Variants in LNPK observed in about 807,000 individuals in gnomAD.
The protein encoded by LNPK is lunapark, ER junction formation factor.
LNPK carries 29 observed loss-of-function variants against 55.2 expected under a neutral mutation model. That is an observed-to-expected ratio of 0.53 (90% CI 0.39 to 0.72). The LOEUF (loss-of-function observed/expected upper bound fraction) is 0.72, where lower values mean the gene tolerates loss of function less well. Ranked by LOEUF, LNPK falls within the 30% of genes least tolerant of loss-of-function variation. LNPK has a pLI of 0.00. For missense variants in LNPK, 467 were observed against 494.8 expected (o/e 0.94, Z 0.53); for synonymous variants, 162 against 168.2 (o/e 0.96, Z 0.29).
chr2:175,938,882 C>A (rs1295357589), intron 10 of LNPK: 1 of 152,038 alleles, frequency 6.6e-6, no homozygotes, highest in African/African-American at 2.4e-5. Context: ...TTATACCTTT[C>A]CCAGTTACAC....
chr2:175,940,703 T>C (rs769717043), intron 9 of LNPK, among the ~76,000 whole-genome samples: 5 of 152,126 alleles, frequency 3.3e-5, no homozygotes, highest in African/African-American at 4.8e-5. Context: ...CCAGAAATTA[T>C]GAAAATGACT....
intron 12 of LNPK, 73 bp from the exon 13 acceptor site, chr2:175,930,272 A>AT: frequency 1.2e-6 from 1 of 810,160 alleles, no homozygotes. Flanking sequence ...AGCAAAAAAG[A>AT]TAAACACACA....
Position 175,986,982 on chromosome 2 carries a change from AC to A in LNPK, c.257+5248del, listed in dbSNP as rs1215819757. On this transcript the variant is annotated intron_variant, in intron 4 of 12. Transcript: ENST00000272748. ...AAATATCAAACAAGAAAAAAAAAAA[AC>A]AAACGAAAAAAACAAAAGGAGGTGG... Among the ~76,000 whole-genome samples the A allele has an allele frequency of 5.9e-5, 9 of 151,860 alleles. No homozygotes were observed. The South Asian group carries it at 6.2e-4, about 10-fold the overall frequency.
At chr2:175,997,703 C>CTGTGTGTGTGTGTGTGTGTGTGTGTG (rs1491566543) in intron 1 of LNPK, among the ~76,000 whole-genome samples, 1 of 45,818 alleles carries the variant, frequency 2.2e-5, no homozygotes, top group East Asian at 1.2e-3. Context: ...AAAACAAATG[C>CTGTGTGTGTGTGTGTGTGTGTGTGTG]TCTGTGTGTG....
intron 2 of LNPK, among the ~76,000 whole-genome samples, chr2:175,995,202 GAGCCACCACA>G (rs1254851510): frequency 6.6e-6 from 1 of 152,004 alleles, no homozygotes; most frequent in Admixed American, 6.6e-5. Flanking sequence ...TTATAGATGT[GAGCCACCACA>G]CCCGGCCTAG....
rs59400321 is a variant in LNPK at position 175,953,771 on chromosome 2, TAAAAA to T, written c.494-6084_494-6080del. On this transcript the variant is annotated intron_variant, in intron 8 of 12. Coordinates refer to ENST00000272748, the MANE Select transcript of LNPK (RefSeq NM_030650.3). ...CAATCCAACATAACCTCCATGTTAC[TAAAAA>T]AAAAAAAAAAAAAGTATTCTTCATA... 3.0e-3 allele frequency among the ~76,000 whole-genome samples: 396 copies of T among 132,480 alleles called. 4 individuals are homozygous for T. The highest frequency in any genetic ancestry group is 0.01 in the African/African-American group (371 of 36,306). 86.9% of individuals were successfully genotyped at this position (132,480 alleles called of 152,430 possible). A position where few individuals can be genotyped will look rare whatever the true frequency, so the allele number is the denominator to read the frequency against.
chr2:175,982,293 A>T (rs145746060), intron 4 of LNPK, among the ~76,000 whole-genome samples: 155 of 152,316 alleles, frequency 1.0e-3, no homozygotes, highest in African/African-American at 3.3e-3. Context: ...GGAAATGTAT[A>T]AATTTTCTTA....
In LNPK at chr2:175,926,569, C is replaced by T. The variant is rs964351069; in HGVS notation, c.*3398G>A. On this transcript the variant is annotated 3_prime_UTR_variant, in exon 13 of 13. Coordinates refer to ENST00000272748, the MANE Select transcript of LNPK (RefSeq NM_030650.3). ...CGGACTTAAATACATACTCTCTCTA[C>T]AACTCAGCTTTCTCTTCTAGTAGTC... The T allele has an allele frequency of 6.6e-6, 1 of 152,336 alleles. No individual in the cohort carries two copies. Among genetic ancestry groups the T allele is most frequent in the Admixed American group, 6.5e-5 (1 of 15,304 alleles). The allele number at this position is 152,336 out of a possible 1,614,324, so 9.4% of individuals were successfully genotyped here. A position where few individuals can be genotyped will look rare whatever the true frequency, so the allele number is the denominator to read the frequency against.
chr2:175,985,705 T>C (rs1037886335), intron 4 of LNPK, among the ~76,000 whole-genome samples: 3 of 152,144 alleles, frequency 2.0e-5, no homozygotes, highest in Admixed American at 6.5e-5. Flanking sequence ...ATACATACCA[T>C]GTAGGTATAG....
chr2:175,955,453 C>G (rs538383871), intron 8 of LNPK, among the ~76,000 whole-genome samples: 4 of 152,152 alleles, frequency 2.6e-5, no homozygotes, highest in Non-Finnish European at 5.9e-5. Context: ...CTGTCTCCAC[C>G]AAACCCTAGC....
intron 8 of LNPK, among the ~76,000 whole-genome samples, chr2:175,949,556 C>A (rs912932732): frequency 4.6e-5 from 7 of 152,002 alleles, no homozygotes; most frequent in African/African-American, 1.7e-4. Context: ...ATTATCCTTC[C>A]TCTTCACGAA....
intron 1 of LNPK, among the ~76,000 whole-genome samples, chr2:176,000,593 A>G (rs1688124796): frequency 6.6e-6 from 1 of 152,242 alleles, no homozygotes; most frequent in African/African-American, 2.4e-5. Context: ...AGAGCAAAAA[A>G]TTCTGTAGAC....
At chr2:175,956,318 T>G (rs570112840) in intron 8 of LNPK, among the ~76,000 whole-genome samples, 33 of 150,064 alleles carry the variant, frequency 2.2e-4, no homozygotes, top group Middle Eastern at 3.4e-3. Flanking sequence ...TAGGGCATCC[T>G]CCAAAAATCT....
At chr2:175,978,839 A>G (rs563038323) in intron 5 of LNPK, among the ~76,000 whole-genome samples, 57 of 152,282 alleles carry the variant, frequency 3.7e-4, no homozygotes, top group Non-Finnish European at 6.9e-4. Flanking sequence ...GCTTTGACAG[A>G]TAAGTAGGAA....
chr2:175,965,739 CA>C (rs1184435028), intron 6 of LNPK, among the ~76,000 whole-genome samples: 2 of 151,640 alleles, frequency 1.3e-5, no homozygotes, highest in African/African-American at 4.8e-5. Context: ...TATAAATTCT[CA>C]AAATAAACAA....
chr2:175,994,740 C>T (rs903055784), intron 2 of LNPK, among the ~76,000 whole-genome samples: 1 of 151,334 alleles, frequency 6.6e-6, no homozygotes, highest in African/African-American at 2.4e-5. Flanking sequence ...TTCATATTTT[C>T]GAGCTGTAAC....
At chr2:175,951,468 G>A (rs1169467711) in intron 8 of LNPK, among the ~76,000 whole-genome samples, 1 of 151,356 alleles carries the variant, frequency 6.6e-6, no homozygotes, top group Non-Finnish European at 1.5e-5. Flanking sequence ...AACATACGAT[G>A]TTTGGTTTTC....
rs552318968 is a variant in LNPK at position 175,929,503 on chromosome 2, C to T, written c.*464G>A. 304 of 992,426 alleles carry T rather than the reference C, an allele frequency of 3.1e-4. No individual in the cohort carries two copies. Among genetic ancestry groups the T allele is most frequent in the Non-Finnish European group, 3.5e-4 (295 of 834,354 alleles). 61.5% of individuals were successfully genotyped at this position (992,426 alleles called of 1,614,324 possible). ...GTAAACACCTAAATAGACATTTCTC[C>T]CAGTTGTAAATATCTCAGGAGCTAA... On this transcript the variant is annotated 3_prime_UTR_variant, in exon 13 of 13. Coordinates refer to ENST00000272748, the MANE Select transcript of LNPK (RefSeq NM_030650.3).
chr2:175,957,460 C>T (rs912599489), intron 8 of LNPK, among the ~76,000 whole-genome samples: 2 of 151,880 alleles, frequency 1.3e-5, no homozygotes, highest in African/African-American at 4.8e-5. Context: ...ACACACTTGT[C>T]AAAAGCCGAC....
Sources: allele counts gnomAD v4.1 joint callset (sites outside exome capture counted in the v4.1 genomes callset), GRCh38; gene constraint gnomAD v4.1.1; transcripts MANE v1.5; gene names NCBI Gene and HGNC (gene_info 2026-07-23, HGNC 2026-07-21).